CDH18: variants seen among roughly 807,000 people sequenced by gnomAD.
CDH18 encodes cadherin 18, also known as cadherin-18.
In CDH18, 31 loss-of-function variants were observed where a neutral mutation model predicts 67.9. The ratio of observed to expected loss-of-function variants is 0.46; its 90% CI spans 0.34 to 0.62. The LOEUF (loss-of-function observed/expected upper bound fraction) is 0.62. CDH18 is among the 20% of genes least tolerant of loss of function. The probability of loss-of-function intolerance (pLI) is 0.01; values close to 1 mark genes in which losing one functional copy is unlikely to be tolerated. For synonymous variants in CDH18, 362 were observed against 347.2 expected (o/e 1.04, Z -0.48); for missense variants, 890 against 975.5 (o/e 0.91, Z 1.17).
intron 2 of CDH18, among the ~76,000 whole-genome samples, chr5:20,090,363 C>T (rs1045095553): frequency 3.3e-5 from 5 of 151,952 alleles, no homozygotes; most frequent in South Asian, 4.2e-4. Context: ...AGAGAAACCC[C>T]GTCTCTACCA....
At chr5:20,369,898 G>T (rs892792175) in intron 1 of CDH18, among the ~76,000 whole-genome samples, 1 of 152,056 alleles carries the variant, frequency 6.6e-6, no homozygotes, top group African/African-American at 2.4e-5. Context: ...TGGGGTACAC[G>T]TGTAGGGTGT....
chr5:19,476,526 T>A lies in CDH18; in HGVS notation c.1883-2810A>T, dbSNP rs116652911. 9.3e-3 allele frequency among the ~76,000 whole-genome samples: 1,408 copies of A among 152,168 alleles called. 25 individuals carry two copies. The highest frequency in any genetic ancestry group is 0.032 in the African/African-American group (1,337 of 41,548). The stretch of plus-strand genomic sequence containing the variant: ...TTTAGCATAAATCCACCTTACAGTT[T>A]TCTAATTCAAAGCTCCAAACAACAT... On this transcript the variant is annotated intron_variant, in intron 12 of 12. Coordinates refer to ENST00000382275, the MANE Select transcript of CDH18 (RefSeq NM_004934.5).
intron 2 of CDH18, among the ~76,000 whole-genome samples, chr5:20,140,367 A>C (rs1334295842): frequency 6.6e-6 from 1 of 152,118 alleles, no homozygotes; most frequent in Non-Finnish European, 1.5e-5. Flanking sequence ...ACCTAATGTA[A>C]ATGACGAGTT....
intron 1 of CDH18, among the ~76,000 whole-genome samples, chr5:20,267,058 TCATA>T (rs1745096304): frequency 6.6e-6 from 1 of 152,190 alleles, no homozygotes; most frequent in African/African-American, 2.4e-5. Context: ...GATATTTTGG[TCATA>T]CAGACAATAA....
At chr5:20,521,100 A>G (rs955328570) in intron 1 of CDH18, among the ~76,000 whole-genome samples, 1 of 152,216 alleles carries the variant, frequency 6.6e-6, no homozygotes, top group Non-Finnish European at 1.5e-5. Flanking sequence ...ATTAAAAATG[A>G]AATAATTGAC....
intron 2 of CDH18, among the ~76,000 whole-genome samples, chr5:20,101,454 A>G (rs1746457752): frequency 6.6e-6 from 1 of 152,210 alleles, no homozygotes; most frequent in African/African-American, 2.4e-5. Flanking sequence ...ATAAATAATT[A>G]AATGGAATGA....
chr5:20,110,751 T>C (rs1747389364), intron 2 of CDH18, among the ~76,000 whole-genome samples: 1 of 152,262 alleles, frequency 6.6e-6, no homozygotes, highest in African/African-American at 2.4e-5. Context: ...AATTACTTTA[T>C]AATATTTACA....
chr5:20,186,301 A>G (rs1002577200), intron 2 of CDH18, among the ~76,000 whole-genome samples: 3 of 152,102 alleles, frequency 2.0e-5, no homozygotes, highest in South Asian at 4.1e-4. Flanking sequence ...GTTAGAATTT[A>G]TCAATATTAT....
At chr5:20,046,085 ACTTTAGGATG>A (rs528407879) in intron 2 of CDH18, among the ~76,000 whole-genome samples, 17 of 152,002 alleles carry the variant, frequency 1.1e-4, no homozygotes, top group Non-Finnish European at 2.1e-4. Context: ...AAATGTAGAG[ACTTTAGGATG>A]CTATTACAAA....
At chr5:19,527,182 G>A (rs542812921) in intron 9 of CDH18, among the ~76,000 whole-genome samples, 4 of 151,816 alleles carry the variant, frequency 2.6e-5, no homozygotes, top group African/African-American at 9.6e-5. Flanking sequence ...TTGCAAACAG[G>A]TGCTCAAATG....
chr5:20,567,126 T>C (rs1024459553), intron 1 of CDH18, among the ~76,000 whole-genome samples: 4 of 152,128 alleles, frequency 2.6e-5, no homozygotes, highest in Admixed American at 2.6e-4. Context: ...GTTATTTCAA[T>C]AGAATATTTA....
intron 8 of CDH18, among the ~76,000 whole-genome samples, chr5:19,558,433 A>G (rs1323697719): frequency 1.3e-5 from 2 of 151,970 alleles, no homozygotes; most frequent in East Asian, 3.8e-4. Flanking sequence ...AAGATCCAAA[A>G]AAGCTCAATT....
intron 1 of CDH18, among the ~76,000 whole-genome samples, chr5:20,536,681 T>G (rs1383934941): frequency 6.6e-6 from 1 of 152,080 alleles, no homozygotes; most frequent in Non-Finnish European, 1.5e-5. Context: ...CAGAAAAGGC[T>G]TTCAACTTAG....
intron 2 of CDH18, among the ~76,000 whole-genome samples, chr5:20,118,590 C>G (rs1376642789): frequency 6.6e-6 from 1 of 152,138 alleles, no homozygotes; most frequent in African/African-American, 2.4e-5. Flanking sequence ...TCCAGACTTA[C>G]CATCTACAGT....
intron 9 of CDH18, among the ~76,000 whole-genome samples, chr5:19,535,872 A>G (rs1749334610): frequency 6.6e-6 from 1 of 152,206 alleles, no homozygotes; most frequent in Admixed American, 6.6e-5. Context: ...AAATTTATCT[A>G]TTATACAAGC....
intron 2 of CDH18, among the ~76,000 whole-genome samples, chr5:19,970,071 C>A (rs1386425670): frequency 6.6e-6 from 1 of 151,624 alleles, no homozygotes; most frequent in Non-Finnish European, 1.5e-5. Flanking sequence ...GAGTGATAAC[C>A]ATGAAAGTTG....
chr5:20,174,399 C>G (rs909135196), intron 2 of CDH18, among the ~76,000 whole-genome samples: 1 of 152,142 alleles, frequency 6.6e-6, no homozygotes, highest in East Asian at 1.9e-4. Context: ...TGAGCAACTG[C>G]TGTATGCTAG....
rs745664050 is a variant in CDH18 at position 19,571,633 on chromosome 5, G to A, written c.1199C>T (p.Thr400Ile). 6.2e-7 allele frequency: 1 copy of A among 1,613,936 alleles called. No homozygotes were observed. Among genetic ancestry groups the A allele is most frequent in the Non-Finnish European group, 8.5e-7 (1 of 1,179,894 alleles). The stretch of plus-strand genomic sequence containing the variant: ...TTGTGCCAAAACTGTACCAACGACG[G>A]TCCCAATCTTGGCATTTTCGTAGAC... ...MEVYENAKIG[T>I]VVGTVLAQDP... Residue 400 changes from threonine to isoleucine, a missense_variant, in exon 8 of 13, where the codon ACC becomes ATC. This residue lies in a region of CDH18 where 656 missense variants were observed against 668.1 expected (regional missense o/e 0.98). Transcript: ENST00000382275.
At chr5:20,277,956 A>T (rs1745928908) in intron 1 of CDH18, among the ~76,000 whole-genome samples, 1 of 152,166 alleles carries the variant, frequency 6.6e-6, no homozygotes. Context: ...GTTATTTGAA[A>T]CTACACAGTC....
Sources: gnomAD v4.1 joint callset for allele counts (sites outside exome capture counted in the v4.1 genomes callset) on GRCh38, gnomAD v4.1.1 for gene constraint, gnomAD v4.1.1 regional missense constraint, MANE v1.5 for transcripts, NCBI Gene and HGNC (gene_info 2026-07-23, HGNC 2026-07-21) for gene names.